The following KCNJ15 variants were observed in gnomAD, a reference collection of about 807,000 sequenced individuals.
KCNJ15 encodes the protein potassium inwardly rectifying channel subfamily J member 15.
KCNJ15 carries 14 observed loss-of-function variants against 23.0 expected under a neutral mutation model. The ratio of observed to expected loss-of-function variants is 0.61; its 90% CI spans 0.40 to 0.95. The LOEUF (loss-of-function observed/expected upper bound fraction) is 0.95. Among genes scored for constraint, KCNJ15 ranks in the 40% least tolerant of loss-of-function variants. The pLI is 0.00. For missense variants in KCNJ15, 388 were observed against 461.8 expected, an observed-to-expected ratio of 0.84 and a Z score of 1.46; for synonymous variants, 185 against 183.2, an observed-to-expected ratio of 1.01 and a Z score of -0.08.
intron 1 of KCNJ15, chr21:38,296,554 G>T (rs55685624): frequency 0.016 from 2,489 of 152,528 alleles, 32 homozygotes; most frequent in Middle Eastern, 0.068. Context: ...TCCACAGGCG[G>T]TAAAAATATT....
chr21:38,229,928 A>G (rs1212406453), intron 1 of KCNJ15, among the ~76,000 whole-genome samples: 1 of 152,210 alleles, frequency 6.6e-6, no homozygotes, highest in East Asian at 1.9e-4. Context: ...TTTTGTTTAT[A>G]CATTCAGCAG....
rs961867435 is a variant in KCNJ15 at position 38,276,932 on chromosome 21, A to G, written c.-117+19747A>G. Among the ~76,000 whole-genome samples, 21 of 152,050 alleles carry G rather than the reference A, an allele frequency of 1.4e-4. 1 individual carries two copies. Among genetic ancestry groups the G allele is most frequent in the Admixed American group, 1.2e-3 (19 of 15,268 alleles). On this transcript the variant is annotated intron_variant, in intron 1 of 2. Coordinates refer to ENST00000398938, the MANE Select transcript of KCNJ15 (RefSeq NM_170736.3). ...GAAGATTTTAAGATATTTCAATATA[A>G]TATCTAAAAATGACCACTTAATTTT...
At chr21:38,267,945 T>C (rs2836262) in intron 1 of KCNJ15, among the ~76,000 whole-genome samples, 21,267 of 152,136 alleles carry the variant, frequency 0.14, 1,659 homozygotes, top group East Asian at 0.31. Flanking sequence ...TCTGTTCTTG[T>C]AGTCACATAA....
At chr21:38,263,566 G>A (rs924521597) in intron 1 of KCNJ15, among the ~76,000 whole-genome samples, 1 of 152,102 alleles carries the variant, frequency 6.6e-6, no homozygotes, top group African/African-American at 2.4e-5. Flanking sequence ...ATCCATTTTG[G>A]ACCGCAGAAC....
At chr21:38,273,806 T>G (rs1982348964) in intron 1 of KCNJ15, among the ~76,000 whole-genome samples, 1 of 152,268 alleles carries the variant, frequency 6.6e-6, no homozygotes. Flanking sequence ...CATTCACCAT[T>G]GACCATGCTG....
At chr21:38,265,710 C>T (rs1425634910) in intron 1 of KCNJ15, among the ~76,000 whole-genome samples, 2 of 152,078 alleles carry the variant, frequency 1.3e-5, no homozygotes, top group Admixed American at 1.3e-4. Flanking sequence ...TGCTGCTGGA[C>T]AGAGGTGTGG....
At chr21:38,262,015 T>C (rs1280866431) in intron 1 of KCNJ15, among the ~76,000 whole-genome samples, 1 of 152,234 alleles carries the variant, frequency 6.6e-6, no homozygotes, top group Non-Finnish European at 1.5e-5. Flanking sequence ...AATAATGTTC[T>C]CACTCAATGA....
chr21:38,267,869 G>A (rs552265653), intron 1 of KCNJ15, among the ~76,000 whole-genome samples: 5 of 152,266 alleles, frequency 3.3e-5, no homozygotes, highest in South Asian at 4.2e-4. Context: ...AGTCAACTGA[G>A]TTATTCACTC....
chr21:38,271,836 T>C (rs1261262139), intron 1 of KCNJ15, among the ~76,000 whole-genome samples: 6 of 152,160 alleles, frequency 3.9e-5, no homozygotes, highest in Non-Finnish European at 7.3e-5. Flanking sequence ...ACATGGTGCT[T>C]GTCTAAACCG....
intron 1 of KCNJ15, among the ~76,000 whole-genome samples, chr21:38,263,931 A>G (rs1981195710): frequency 6.6e-6 from 1 of 152,224 alleles, no homozygotes. Flanking sequence ...ACCATGAAAT[A>G]AAAGAGGAGG....
Position 38,233,006 on chromosome 21 carries a change from AT to A in KCNJ15, c.-398-24039del, listed in dbSNP as rs527937953. Among the ~76,000 whole-genome samples the A allele has an allele frequency of 4.5e-4, 68 of 152,090 alleles. 1 individual carries two copies. The East Asian group carries it at 7.3e-3, about 16-fold the overall frequency. ...GTTTGTTTATAATTATATATCCTTT[AT>A]AACCTTCTTCCCATTCTATACATTA... On this transcript the variant is annotated intron_variant, in intron 1 of 4. Transcript: ENST00000547341.
intron 1 of KCNJ15, among the ~76,000 whole-genome samples, chr21:38,290,988 A>G (rs1984540766): frequency 1.6e-5 from 1 of 62,644 alleles, no homozygotes; most frequent in Non-Finnish European, 3.4e-5. Context: ...ATGTCATAAA[A>G]AGGCTAAACA....
At chr21:38,233,851 T>C (rs1447196077) in intron 1 of KCNJ15, among the ~76,000 whole-genome samples, 1 of 152,162 alleles carries the variant, frequency 6.6e-6, no homozygotes, top group Admixed American at 6.5e-5. Context: ...ATTGTTATTA[T>C]ACATATTACC....
At chr21:38,288,421 C>T (rs954965100) in intron 1 of KCNJ15, among the ~76,000 whole-genome samples, 6 of 151,918 alleles carry the variant, frequency 3.9e-5, no homozygotes, top group African/African-American at 1.2e-4. Context: ...ATATGAATGC[C>T]AATGAAGATA....
rs1358797135 is a variant in KCNJ15 at position 38,298,299 on chromosome 21, A to G, written c.-18-945A>G. On this transcript the variant is annotated intron_variant, in intron 2 of 2. Coordinates refer to ENST00000398938, the MANE Select transcript of KCNJ15 (RefSeq NM_170736.3). ...TTCTTATAGGTAGGTCTTTCCTACT[A>G]TAATATTAGATGCCTACACTTATTG... The G allele has an allele frequency of 5.3e-5, 8 of 152,298 alleles. No individual in the cohort carries two copies. In the Middle Eastern group the frequency reaches 0.01, roughly 194 times the overall value. 9.4% of individuals were successfully genotyped at this position (152,298 alleles called of 1,614,324 possible).
chr21:38,247,232 T>TGATGGATG (rs765878058), intron 1 of KCNJ15, among the ~76,000 whole-genome samples: 1 of 108,398 alleles, frequency 9.2e-6, no homozygotes, highest in African/African-American at 3.8e-5. Flanking sequence ...ATAAATGGAT[T>TGATGGATG]GATGGATGGA....
intron 1 of KCNJ15, among the ~76,000 whole-genome samples, chr21:38,240,016 T>TAGAG (rs3064426): frequency 0.64 from 96,942 of 151,662 alleles, 33,482 homozygotes; most frequent in African/African-American, 0.9. Flanking sequence ...TGCAGCCTCT[T>TAGAG]AGCCTCTAGT....
chr21:38,264,611 C>T (rs1291870385), intron 1 of KCNJ15, among the ~76,000 whole-genome samples: 2 of 152,212 alleles, frequency 1.3e-5, no homozygotes, highest in Non-Finnish European at 2.9e-5. Context: ...TTACTTTCAC[C>T]ATGAACTTAC....
At chr21:38,263,141 A>C (rs1981099426) in intron 1 of KCNJ15, among the ~76,000 whole-genome samples, 1 of 152,108 alleles carries the variant, frequency 6.6e-6, no homozygotes, top group African/African-American at 2.4e-5. Context: ...CAGACAGGCC[A>C]AAGCTGCTTT....
Sources: gnomAD v4.1 joint callset for allele counts (sites outside exome capture counted in the v4.1 genomes callset) on GRCh38, gnomAD v4.1.1 for gene constraint, MANE v1.5 for transcripts, NCBI Gene and HGNC (gene_info 2026-07-23, HGNC 2026-07-21) for gene names.